ZBTB20: variants seen among roughly 807,000 people sequenced by gnomAD.
ZBTB20 encodes the protein zinc finger and BTB domain containing 20, also known as zinc finger and BTB domain-containing protein 20.
A neutral mutation model predicts 56.9 loss-of-function variants in ZBTB20; 9 were observed. That is an observed-to-expected ratio of 0.16 (90% CI 0.10 to 0.28). ZBTB20 has a LOEUF of 0.28. Ranked by LOEUF, ZBTB20 falls within the 10% of genes least tolerant of loss-of-function variation. The probability of loss-of-function intolerance (pLI) is 1.00; values close to 1 mark genes in which losing one functional copy is unlikely to be tolerated. For missense variants in ZBTB20, 655 were observed against 1,003.0 expected (o/e 0.65, Z 4.69); for synonymous variants, 417 against 420.7 (o/e 0.99, Z 0.11).
rs150611565 is a variant in ZBTB20 at position 114,578,214 on chromosome 3, G to A, written c.-294-77823C>T. Among the ~76,000 whole-genome samples, 666 of 152,100 alleles carry A rather than the reference G, an allele frequency of 4.4e-3. 3 individuals carry two copies. Among genetic ancestry groups the A allele is most frequent in the Non-Finnish European group, 7.5e-3 (509 of 67,918 alleles). ...AATAAATGAAATAAAGGAATTTCAA[G>A]GAAAGAATTGAGTGTATTGGAAGGT... is the stretch of plus-strand genomic sequence containing the variant. On this transcript the variant is annotated intron_variant, in intron 6 of 11. Coordinates refer to ENST00000675478, the MANE Select transcript of ZBTB20 (RefSeq NM_001348800.3).
intron 6 of ZBTB20, among the ~76,000 whole-genome samples, chr3:114,514,494 T>C (rs1384467374): frequency 6.6e-6 from 1 of 152,200 alleles, no homozygotes; most frequent in Non-Finnish European, 1.5e-5. Context: ...CCCAGGTTCA[T>C]CTAAATGTAT....
At chr3:114,882,987 T>G (rs1485872566) in intron 4 of ZBTB20, among the ~76,000 whole-genome samples, 1 of 152,166 alleles carries the variant, frequency 6.6e-6, no homozygotes, top group Non-Finnish European at 1.5e-5. Context: ...ATTCTAGACT[T>G]CTCTAGTCCC....
chr3:115,142,595 G>C (rs966966663), intron 1 of ZBTB20, among the ~76,000 whole-genome samples: 14 of 151,606 alleles, frequency 9.2e-5, no homozygotes, highest in African/African-American at 3.1e-4. Flanking sequence ...ATCTGGGAGG[G>C]GAGGCTGCAG....
intron 4 of ZBTB20, among the ~76,000 whole-genome samples, chr3:114,869,134 C>T (rs2075888530): frequency 6.6e-6 from 1 of 151,976 alleles, no homozygotes; most frequent in Non-Finnish European, 1.5e-5. Context: ...ACATAAATGT[C>T]AAAAGAAATG....
At chr3:114,732,238 CA>C (rs1339638533) in intron 5 of ZBTB20, among the ~76,000 whole-genome samples, 1 of 152,148 alleles carries the variant, frequency 6.6e-6, no homozygotes, top group African/African-American at 2.4e-5. Flanking sequence ...CTCTTCTCCT[CA>C]AACATGGATG....
chr3:114,960,090 G>T (rs1248004694), intron 3 of ZBTB20, among the ~76,000 whole-genome samples: 2 of 152,160 alleles, frequency 1.3e-5, no homozygotes, highest in African/African-American at 2.4e-5. Flanking sequence ...GGTGAATTGA[G>T]CCTCTCTATC....
At chr3:114,692,246 A>G (rs530737395) in intron 6 of ZBTB20, among the ~76,000 whole-genome samples, 1 of 152,132 alleles carries the variant, frequency 6.6e-6, no homozygotes, top group South Asian at 2.1e-4. Flanking sequence ...TACTAATACG[A>G]GTTTCTTTTG....
intron 3 of ZBTB20, among the ~76,000 whole-genome samples, chr3:114,934,400 A>G (rs1320961522): frequency 2.0e-5 from 3 of 152,130 alleles, no homozygotes; most frequent in Admixed American, 6.6e-5. Context: ...TTTTTCTGAT[A>G]TCCTTTTCCT....
chr3:114,738,297 T>C (rs754500450), intron 5 of ZBTB20, among the ~76,000 whole-genome samples: 7 of 152,268 alleles, frequency 4.6e-5, no homozygotes, highest in Non-Finnish European at 7.4e-5. Context: ...TTAAGTGATA[T>C]CATTTCATGT....
chr3:115,021,509 G>A (rs572705579), intron 2 of ZBTB20, among the ~76,000 whole-genome samples: 1 of 151,020 alleles, frequency 6.6e-6, no homozygotes, highest in Non-Finnish European at 1.5e-5. Flanking sequence ...TATGTGTAAT[G>A]AAGCTGTTCT....
At chr3:114,931,704 GT>G (rs934548417) in intron 3 of ZBTB20, among the ~76,000 whole-genome samples, 11 of 146,430 alleles carry the variant, frequency 7.5e-5, no homozygotes, top group African/African-American at 7.5e-5. Context: ...GTTTTTGTGT[GT>G]TTTTTTTTTA....
At chr3:114,597,089 C>A (rs572666865) in intron 6 of ZBTB20, among the ~76,000 whole-genome samples, 10 of 152,186 alleles carry the variant, frequency 6.6e-5, no homozygotes, top group Admixed American at 2.0e-4. Context: ...AGCATTGGAG[C>A]CTTCTAAGCA....
rs1284852087 is a variant in ZBTB20, at chr3:114,315,094, C to CAA, written c.*23909_*23910dup. The CAA allele has an allele frequency of 6.6e-6, 1 of 152,042 alleles. No individual in the cohort carries two copies. Among genetic ancestry groups the CAA allele is most frequent in the Non-Finnish European group, 1.5e-5 (1 of 68,010 alleles). 9.4% of individuals were successfully genotyped at this position (152,042 alleles called of 1,614,324 possible). On this transcript the variant is annotated 3_prime_UTR_variant, in exon 12 of 12. Coordinates refer to ENST00000675478, the MANE Select transcript of ZBTB20 (RefSeq NM_001348800.3). Reference sequence around the variant, plus strand: ...GAGTATAATGAGAAAAAAAAAGGAACAAACTCCCTCTCAAAACTATTGACC... The same window carrying CAA: ...GAGTATAATGAGAAAAAAAAAGGAACAAAAACTCCCTCTCAAAACTATTGACC...
chr3:114,328,671 C>T lies in ZBTB20; in HGVS notation c.*10334G>A, dbSNP rs1576189950. The T allele has an allele frequency of 3.9e-5, 6 of 152,276 alleles. 1 individual carries two copies. Among genetic ancestry groups the T allele is most frequent in the Admixed American group, 3.9e-4 (6 of 15,292 alleles). The allele number at this position is 152,276 out of a possible 1,614,324, so 9.4% of individuals were successfully genotyped here. ...ACTCTGAAGCTAAAATGAAGACATG[C>T]TTCACTCTGCCTACGAGTCTCAAGT... On this transcript the variant is annotated 3_prime_UTR_variant, in exon 12 of 12. Transcript: ENST00000675478.
chr3:114,779,056 T>C (rs4626069), intron 5 of ZBTB20, among the ~76,000 whole-genome samples: 100,763 of 151,980 alleles, frequency 0.66, 38,409 homozygotes, highest in East Asian at 0.95. Context: ...TTCCTAATAA[T>C]ACCAGGGGGA....
intron 5 of ZBTB20, among the ~76,000 whole-genome samples, chr3:114,773,166 T>C (rs764321508): frequency 1.3e-5 from 2 of 152,110 alleles, no homozygotes; most frequent in Non-Finnish European, 2.9e-5. Flanking sequence ...TTTCAGAGTT[T>C]CCTCCAGTTA....
Position 114,541,150 on chromosome 3 carries a change from A to G in ZBTB20, c.-294-40759T>C, listed in dbSNP as rs752521650. ...CTTTTGATTATTTTAGCAAAAAATA[A>G]TACAAAAAATTGATTACAACCATTA... On this transcript the variant is annotated intron_variant, in intron 6 of 11. Coordinates refer to ENST00000675478, the MANE Select transcript of ZBTB20 (RefSeq NM_001348800.3). 1.4e-4 allele frequency among the ~76,000 whole-genome samples: 22 copies of G among 152,164 alleles called. No individual in the cohort carries two copies. In the South Asian group the frequency reaches 1.4e-3, roughly 10 times the overall value.
intron 6 of ZBTB20, among the ~76,000 whole-genome samples, chr3:114,514,313 G>C (rs1017143907): frequency 6.6e-6 from 1 of 152,122 alleles, no homozygotes; most frequent in Non-Finnish European, 1.5e-5. Flanking sequence ...TAGGGTTTAG[G>C]AACTACTAAA....
intron 7 of ZBTB20, among the ~76,000 whole-genome samples, chr3:114,411,982 C>T (rs1174232030): frequency 2.0e-5 from 3 of 152,148 alleles, no homozygotes; most frequent in South Asian, 2.1e-4. Flanking sequence ...TATTAAAAGG[C>T]GAAGTCTGCA....
Sources: gnomAD v4.1 joint callset for allele counts (sites outside exome capture counted in the v4.1 genomes callset) on GRCh38, gnomAD v4.1.1 for gene constraint, MANE v1.5 for transcripts, NCBI Gene and HGNC (gene_info 2026-07-23, HGNC 2026-07-21) for gene names.